Variants in TENM3 observed in about 807,000 individuals in gnomAD.
TENM3 encodes teneurin transmembrane protein 3.
TENM3 carries 63 observed loss-of-function variants against 255.1 expected under a neutral mutation model. The ratio of observed to expected loss-of-function variants is 0.25; its 90% CI spans 0.20 to 0.30. The LOEUF is 0.30. TENM3 is among the 10% of genes least tolerant of loss of function. TENM3 has a pLI of 1.00. For missense variants in TENM3, 2,929 were observed against 3,461.1 expected (o/e 0.85, Z 3.86); for synonymous variants, 1,306 against 1,322.3 (o/e 0.99, Z 0.27).
chr4:182,308,463 G>T (rs1260403979), intron 1 of TENM3, among the ~76,000 whole-genome samples: 1 of 151,858 alleles, frequency 6.6e-6, no homozygotes, highest in Non-Finnish European at 1.5e-5. Flanking sequence ...CCTACAGGTG[G>T]TATGTGCCAC....
At chr4:182,421,618 C>T (rs973413204) in intron 3 of TENM3, among the ~76,000 whole-genome samples, 1 of 152,012 alleles carries the variant, frequency 6.6e-6, no homozygotes, top group Non-Finnish European at 1.5e-5. Context: ...AGCAAGAAAG[C>T]AAAATGTGAC....
At chr4:182,286,275 G>A (rs945379426) in intron 1 of TENM3, among the ~76,000 whole-genome samples, 49 of 152,286 alleles carry the variant, frequency 3.2e-4, no homozygotes, top group Non-Finnish European at 6.6e-4. Context: ...CCCTGTTTCT[G>A]CCTTTCTCTT....
the TENM3 span, among the ~76,000 whole-genome samples, chr4:181,887,712 C>T: frequency 5.9e-5 from 9 of 152,282 alleles, no homozygotes; most frequent in South Asian, 1.9e-3. Context: ...TCTCGGACTC[C>T]AGGATACATT....
At chr4:182,368,522 T>C (rs1375556431) in intron 3 of TENM3, among the ~76,000 whole-genome samples, 1 of 152,200 alleles carries the variant, frequency 6.6e-6, no homozygotes, top group Non-Finnish European at 1.5e-5. Flanking sequence ...CCTTAGTTGC[T>C]AATACCATTA....
At chr4:182,265,829 C>T (rs930996322) in intron 1 of TENM3, among the ~76,000 whole-genome samples, 3 of 152,046 alleles carry the variant, frequency 2.0e-5, no homozygotes, top group African/African-American at 7.2e-5. Context: ...ACTGTAATGC[C>T]TTTTGGTTCA....
intron 3 of TENM3, among the ~76,000 whole-genome samples, chr4:182,472,986 G>C (rs7692831): frequency 6.6e-6 from 1 of 152,208 alleles, no homozygotes; most frequent in South Asian, 2.1e-4. Flanking sequence ...AGTGTCCATT[G>C]ATAATTATAA....
chr4:182,389,810 C>T (rs1055529701), intron 3 of TENM3, among the ~76,000 whole-genome samples: 1 of 151,610 alleles, frequency 6.6e-6, no homozygotes, highest in Non-Finnish European at 1.5e-5. Flanking sequence ...CTCAGCCTCC[C>T]GAGTAGCTGG....
the TENM3 span, among the ~76,000 whole-genome samples, chr4:182,070,218 G>A: frequency 6.6e-6 from 1 of 152,184 alleles, no homozygotes; most frequent in East Asian, 1.9e-4. Context: ...TCCCCACCTT[G>A]ATTCTAAGTG....
upstream of TENM3, among the ~76,000 whole-genome samples, chr4:182,243,210 G>C (rs138942885): frequency 6.6e-6 from 1 of 152,190 alleles, no homozygotes; most frequent in Non-Finnish European, 1.5e-5. Context: ...CACCTCCCGG[G>C]TTCAAGCAAT....
intron 1 of TENM3, among the ~76,000 whole-genome samples, chr4:182,286,393 TCTC>T (rs1453212259): frequency 6.6e-6 from 1 of 152,210 alleles, no homozygotes; most frequent in Non-Finnish European, 1.5e-5. Flanking sequence ...GGAATGCCGT[TCTC>T]TACTTCTTGC....
chr4:181,973,382 G>T, the TENM3 span, among the ~76,000 whole-genome samples: 1 of 151,920 alleles, frequency 6.6e-6, no homozygotes, highest in Non-Finnish European at 1.5e-5. Context: ...AAACTGACAA[G>T]CAGAAAAAAA....
the TENM3 span, among the ~76,000 whole-genome samples, chr4:181,486,028 C>A: frequency 4.1e-5 from 6 of 146,538 alleles, no homozygotes; most frequent in Non-Finnish European, 9.1e-5. Flanking sequence ...AAAAAAAAAA[C>A]CTGCAATATG....
At chr4:182,387,449 G>A (rs1367096603) in intron 3 of TENM3, among the ~76,000 whole-genome samples, 2 of 152,076 alleles carry the variant, frequency 1.3e-5, no homozygotes, top group African/African-American at 2.4e-5. Context: ...TAGGCCACTC[G>A]GCTCTACCAA....
chr4:182,541,107 C>T (rs922094651), intron 3 of TENM3, among the ~76,000 whole-genome samples: 1 of 152,188 alleles, frequency 6.6e-6, no homozygotes, highest in African/African-American at 2.4e-5. Flanking sequence ...CAACTTCAAA[C>T]AGTTGGTAAA....
chr4:182,224,755 G>A (rs1436873618), intron 1 of TENM3, among the ~76,000 whole-genome samples: 1 of 110,572 alleles, frequency 9.0e-6, no homozygotes, highest in African/African-American at 3.3e-5. Context: ...TTTTTTTTTT[G>A]AAGTGGAGTC....
chr4:182,201,285 T>C (rs1754169662), intron 1 of TENM3, among the ~76,000 whole-genome samples: 1 of 152,198 alleles, frequency 6.6e-6, no homozygotes. Context: ...TTTTTCTTTT[T>C]TTGTCGGGGA....
the TENM3 span, among the ~76,000 whole-genome samples, chr4:181,848,579 C>T: frequency 4.6e-5 from 7 of 151,924 alleles, no homozygotes; most frequent in African/African-American, 1.7e-4. Context: ...GTGCTTTTAC[C>T]GTGACAGATG....
chr4:182,297,716 G>A (rs1040239316), intron 1 of TENM3, among the ~76,000 whole-genome samples: 1 of 152,186 alleles, frequency 6.6e-6, no homozygotes, highest in African/African-American at 2.4e-5. Flanking sequence ...TCTAGATAGG[G>A]TAGATGGCCT....
the TENM3 span, among the ~76,000 whole-genome samples, chr4:181,904,751 A>G: frequency 0.087 from 13,255 of 152,176 alleles, 704 homozygotes; most frequent in East Asian, 0.2. Context: ...GTTCCAAGCT[A>G]TATAAAATAG....
Sources: gnomAD v4.1 joint callset for allele counts (sites outside exome capture counted in the v4.1 genomes callset) on GRCh38, gnomAD v4.1.1 for gene constraint, MANE v1.5 for transcripts, NCBI Gene and HGNC (gene_info 2026-07-23, HGNC 2026-07-21) for gene names.